Variants in PHACTR2 observed in about 807,000 individuals in gnomAD.
PHACTR2 encodes the protein phosphatase and actin regulator 2, also known as chromosome 6 open reading frame 56.
Under a neutral mutation model 76.0 loss-of-function variants are expected in PHACTR2, and 30 were observed. The observed-to-expected ratio is 0.39, with a 90% CI of 0.30 to 0.54. The LOEUF (loss-of-function observed/expected upper bound fraction) is 0.54. PHACTR2 is among the 20% of genes least tolerant of loss of function. The pLI is 0.61. For synonymous variants in PHACTR2, 292 were observed against 292.5 expected (o/e 1.00, Z 0.02); for missense variants, 696 against 781.1 (o/e 0.89, Z 1.30).
intron 1 of PHACTR2, among the ~76,000 whole-genome samples, chr6:143,588,823 A>T (rs1775657600): frequency 6.6e-6 from 1 of 152,236 alleles, no homozygotes; most frequent in Non-Finnish European, 1.5e-5. Context: ...ACAATTTGAT[A>T]TCTATGAATT....
Position 143,754,758 on chromosome 6 carries a change from G to T in PHACTR2, c.454+846G>T, listed in dbSNP as rs1350833052. Among the ~76,000 whole-genome samples, 1 of 152,198 alleles carries T rather than the reference G, an allele frequency of 6.6e-6. No individual in the cohort carries two copies. The highest frequency in any genetic ancestry group is 2.4e-5 in the African/African-American group (1 of 41,446). On this transcript the variant is annotated intron_variant, in intron 4 of 12. Coordinates refer to ENST00000440869, the MANE Select transcript of PHACTR2 (RefSeq NM_001100164.2). The surrounding 1 kb of genome is among the most constrained non-coding windows in gnomAD (Gnocchi z 6.2). Reference sequence around the variant, plus strand: ...GGGAGATTCTAGATGCCTCCATGCAGCATAGAAAGGAATCTTTAGGAAATA... The same window carrying T: ...GGGAGATTCTAGATGCCTCCATGCATCATAGAAAGGAATCTTTAGGAAATA...
rs1776237213 is a variant in PHACTR2, at chr6:143,813,812, ATGTTGAGAC to A, written c.1922+6682_1922+6690del. 2.6e-5 allele frequency among the ~76,000 whole-genome samples: 4 copies of A among 152,222 alleles called. No individual in the cohort carries two copies. In the East Asian group the frequency reaches 7.7e-4, roughly 29 times the overall value. On this transcript the variant is annotated intron_variant, in intron 12 of 12. Coordinates refer to ENST00000440869, the MANE Select transcript of PHACTR2 (RefSeq NM_001100164.2). ...TTTCTTAATGTTGAGAAGTTTTCTC[ATGTTGAGAC>A]TGAGATATTCACATACAGTGACCCT...
chr6:143,645,956 G>A (rs570070975), intron 1 of PHACTR2, among the ~76,000 whole-genome samples: 1 of 152,204 alleles, frequency 6.6e-6, no homozygotes, highest in East Asian at 1.9e-4. Flanking sequence ...ATAAAGAAAT[G>A]ATTGAAAGGA....
Position 143,753,862 on chromosome 6 carries a change from C to T in PHACTR2, c.404C>T (p.Ser135Phe). Residue 135 changes from serine to phenylalanine, a missense_variant, in exon 4 of 13, where the codon TCT becomes TTT. By Grantham distance (155) the Ser-to-Phe change is radical. Around this residue, in one of 2 missense-constraint regions of PHACTR2, gnomAD observed 460 missense variants for 450.9 expected, o/e 1.02. Transcript: ENST00000440869. This position sits in a 1 kb window ranked among gnomAD's most constrained non-coding sequence, Gnocchi z 4.6. ...NVVKSEEGNG[S>F]VSEKTPPLEE... ...GTAAAGTCTGAAGAAGGTAATGGCT[C>T]TGTATCTGAAAAAACACCACCTCTG... 1.2e-6 allele frequency: 2 copies of T among 1,611,846 alleles called. No homozygotes were observed. Among genetic ancestry groups the T allele is most frequent in the Non-Finnish European group, 1.7e-6 (2 of 1,179,226 alleles).
At chr6:143,577,957 G>C (rs1775532415) in intron 1 of PHACTR2, among the ~76,000 whole-genome samples, 1 of 152,176 alleles carries the variant, frequency 6.6e-6, no homozygotes, top group Non-Finnish European at 1.5e-5. Flanking sequence ...GTACTGTGCA[G>C]GTAAGTTCTC....
intron 1 of PHACTR2, among the ~76,000 whole-genome samples, chr6:143,542,174 C>T (rs903496926): frequency 2.0e-5 from 3 of 152,136 alleles, no homozygotes; most frequent in Admixed American, 6.5e-5. Context: ...GTCCAGCCTG[C>T]GCTTTGCCCA....
Position 143,592,522 on chromosome 6 carries a change from C to T in PHACTR2, c.217+55315C>T, listed in dbSNP as rs1352792786. ...GTACTCCAGGGGGCGCTATTCACAT[C>T]GACTAATACTCTATAGGGGCCATTC... On this transcript the variant is annotated intron_variant, in intron 1 of 11. Transcript: ENST00000367584. This position sits in a 1 kb window ranked among gnomAD's most constrained non-coding sequence, Gnocchi z 4.0. 6.6e-6 allele frequency among the ~76,000 whole-genome samples: 1 copy of T among 152,144 alleles called. No individual in the cohort carries two copies. The highest frequency in any genetic ancestry group is 2.4e-5 in the African/African-American group (1 of 41,430).
rs1290629443 is a variant in PHACTR2, at chr6:143,658,655, C to G, written c.13+50333C>G. ...CAGACAATTATAACACAATGGTAAG[C>G]ATTTGTGTATCTAAACATATATCTA... On this transcript the variant is annotated intron_variant, in intron 1 of 11. Transcript: ENST00000305766. The surrounding 1 kb of genome is among the most constrained non-coding windows in gnomAD (Gnocchi z 4.1). 6.6e-6 allele frequency among the ~76,000 whole-genome samples: 1 copy of G among 152,120 alleles called. No homozygotes were observed. The highest frequency in any genetic ancestry group is 2.4e-5 in the African/African-American group (1 of 41,422).
At position 143,757,986 on chromosome 6, in the gene PHACTR2, CACAT is replaced by C. The variant is rs1779343154; in HGVS notation, c.455-2413_455-2410del. Among the ~76,000 whole-genome samples, 3 of 142,674 alleles carry C rather than the reference CACAT, an allele frequency of 2.1e-5. No individual in the cohort carries two copies. The highest frequency in any genetic ancestry group is 9.2e-5 in the African/African-American group (3 of 32,610). 93.6% of individuals were successfully genotyped at this position (142,674 alleles called of 152,430 possible). ...GCGCACACACACACACACACACACACACATAACTTAAGAATTACCAGAATGACAA... is the reference window on the plus strand; with the variant it reads ...GCGCACACACACACACACACACACACAACTTAAGAATTACCAGAATGACAA... On this transcript the variant is annotated intron_variant, in intron 4 of 12. Coordinates refer to ENST00000440869, the MANE Select transcript of PHACTR2 (RefSeq NM_001100164.2). The surrounding 1 kb of genome is among the most constrained non-coding windows in gnomAD (Gnocchi z 4.2).
chr6:143,714,286 C>T (rs1778252148), intron 2 of PHACTR2, among the ~76,000 whole-genome samples: 2 of 152,210 alleles, frequency 1.3e-5, no homozygotes, highest in African/African-American at 4.8e-5. Context: ...TTGTCCTTCT[C>T]TTAAACTCCT....
At chr6:143,642,540 A>G (rs1488817522) in intron 1 of PHACTR2, among the ~76,000 whole-genome samples, 1 of 152,176 alleles carries the variant, frequency 6.6e-6, no homozygotes, top group Non-Finnish European at 1.5e-5. Context: ...TTGCATGTTG[A>G]AGTCCTAACC....
At chr6:143,732,497 T>C (rs1211818840) in intron 2 of PHACTR2, among the ~76,000 whole-genome samples, 1 of 152,268 alleles carries the variant, frequency 6.6e-6, no homozygotes, top group Non-Finnish European at 1.5e-5. Flanking sequence ...ATTGTATGAA[T>C]ATACCACATT....
Position 143,761,623 on chromosome 6 carries a change from G to T in PHACTR2, c.694+983G>T, listed in dbSNP as rs1415790214. Among the ~76,000 whole-genome samples the T allele has an allele frequency of 6.6e-6, 1 of 151,970 alleles. No homozygotes were observed. The highest frequency in any genetic ancestry group is 2.4e-5 in the African/African-American group (1 of 41,374). ...ACAAGAATTAGCCAGGCGTCGTGGC[G>T]TGCACCTCTAATCCCAGCTACTCAG... On this transcript the variant is annotated intron_variant, in intron 5 of 12. Transcript: ENST00000440869. The surrounding 1 kb of genome is among the most constrained non-coding windows in gnomAD (Gnocchi z 5.2).
rs190291409 is a variant in PHACTR2, at chr6:143,690,476, C to A, written c.46+12267C>A. Among the ~76,000 whole-genome samples, 7 of 152,114 alleles carry A rather than the reference C, an allele frequency of 4.6e-5. No homozygotes were observed. In the East Asian group the frequency reaches 1.4e-3, roughly 29 times the overall value. On this transcript the variant is annotated intron_variant, in intron 1 of 12. Coordinates refer to ENST00000440869, the MANE Select transcript of PHACTR2 (RefSeq NM_001100164.2). ...CAGGGTGCTTCTTGAGAAAAGCTCACGGGGTGTATGGTTTTTGAGTCTTTG... is the reference window on the plus strand; with the variant it reads ...CAGGGTGCTTCTTGAGAAAAGCTCAAGGGGTGTATGGTTTTTGAGTCTTTG...
At chr6:143,759,964 A>G (rs1490846606) in intron 4 of PHACTR2, among the ~76,000 whole-genome samples, 2 of 152,116 alleles carry the variant, frequency 1.3e-5, no homozygotes. Flanking sequence ...TGTAGCTGTC[A>G]TTCCTCACCC....
At position 143,562,323 on chromosome 6, in the gene PHACTR2, T is replaced by C. The variant is rs9321918; in HGVS notation, c.217+25116T>C. 0.7 allele frequency among the ~76,000 whole-genome samples: 106,882 copies of C among 151,970 alleles called. 37,870 individuals carry two copies. The highest frequency in any genetic ancestry group is 0.76 in the Middle Eastern group (222 of 294). On this transcript the variant is annotated intron_variant, in intron 1 of 11. Transcript: ENST00000367584. This position sits in a 1 kb window ranked among gnomAD's most constrained non-coding sequence, Gnocchi z 5.1. ...CTTGGCCTCCCCAGGCCTCAGGAAG[T>C]TTACAATGAGGCTGGAAAGCAAAGG...
At position 143,816,632 on chromosome 6, in the gene PHACTR2, T is replaced by C. The variant is rs1776301953; in HGVS notation, c.1923-7042T>C. Among the ~76,000 whole-genome samples, 1 of 151,776 alleles carries C rather than the reference T, an allele frequency of 6.6e-6. No homozygotes were observed. Among genetic ancestry groups the C allele is most frequent in the Non-Finnish European group, 1.5e-5 (1 of 67,990 alleles). ...TGGCCTGTGACCTTCCAATGCAATC[T>C]AGACTGTGGAACTCACTGTGTACTG... On this transcript the variant is annotated intron_variant, in intron 12 of 12. Coordinates refer to ENST00000440869, the MANE Select transcript of PHACTR2 (RefSeq NM_001100164.2). The surrounding 1 kb of genome is among the most constrained non-coding windows in gnomAD (Gnocchi z 4.5).
intron 1 of PHACTR2, among the ~76,000 whole-genome samples, chr6:143,593,353 C>T (rs943853899): frequency 3.3e-5 from 5 of 151,732 alleles, no homozygotes; most frequent in Admixed American, 6.6e-5. Flanking sequence ...TAACTGGTCT[C>T]GGTAGGCCAG....
At position 143,689,823 on chromosome 6, in the gene PHACTR2, G is replaced by A. The variant is rs757740977; in HGVS notation, c.46+11614G>A. 2.4e-4 allele frequency among the ~76,000 whole-genome samples: 37 copies of A among 151,722 alleles called. No homozygotes were observed. Among genetic ancestry groups the A allele is most frequent in the Non-Finnish European group, 3.4e-4 (23 of 67,962 alleles). The stretch of plus-strand genomic sequence containing the variant: ...TTCTCCTGCCTCAGCCTCCCGATTA[G>A]CTGGGATTACAGGCACCTGCCACCA... On this transcript the variant is annotated intron_variant, in intron 1 of 12. Transcript: ENST00000440869. The surrounding 1 kb of genome is among the most constrained non-coding windows in gnomAD (Gnocchi z 4.4).
Sources: allele counts gnomAD v4.1 joint callset (sites outside exome capture counted in the v4.1 genomes callset), GRCh38; gene constraint gnomAD v4.1.1; regional missense constraint gnomAD v4.1.1; non-coding constraint Gnocchi (gnomAD v3.1); transcripts MANE v1.5; gene names NCBI Gene and HGNC (gene_info 2026-07-23, HGNC 2026-07-21).